GRID1: variants seen among roughly 807,000 people sequenced by gnomAD.
GRID1 encodes the protein glutamate ionotropic receptor delta type subunit 1, also known as glutamate receptor ionotropic, delta-1.
In GRID1, 28 loss-of-function variants were observed where a neutral mutation model predicts 98.0. The observed-to-expected ratio is 0.29, with a 90% CI of 0.21 to 0.39. The LOEUF is 0.39. GRID1 is among the 10% of genes least tolerant of loss of function. The pLI, the probability that GRID1 is intolerant of heterozygous loss-of-function variation, is 1.00. For missense variants in GRID1, 1,111 were observed against 1,340.5 expected, an observed-to-expected ratio of 0.83 and a Z score of 2.67; for synonymous variants, 553 against 538.5, an observed-to-expected ratio of 1.03 and a Z score of -0.37.
intron 12 of GRID1, among the ~76,000 whole-genome samples, chr10:85,672,108 T>C (rs552455837): frequency 6.6e-6 from 1 of 152,346 alleles, no homozygotes; most frequent in East Asian, 1.9e-4. Flanking sequence ...GCTAAGATCA[T>C]TGATATAAGT....
intron 4 of GRID1, among the ~76,000 whole-genome samples, chr10:85,978,937 G>A (rs967516549): frequency 1.3e-5 from 2 of 152,156 alleles, no homozygotes; most frequent in African/African-American, 4.8e-5. Flanking sequence ...GAAAGCATAA[G>A]TGTCTTGCCC....
chr10:85,789,426 T>C lies in GRID1; in HGVS notation c.1234-59812A>G, dbSNP rs150847594. ...CTATCCAGGAGAATCATGGATAATATAGAGGTGTCTCTCTCCCTGGGTCTC... is the reference window on the plus strand; with the variant it reads ...CTATCCAGGAGAATCATGGATAATACAGAGGTGTCTCTCTCCCTGGGTCTC... On this transcript the variant is annotated intron_variant, in intron 8 of 15. Transcript: ENST00000327946. 1.1e-4 allele frequency among the ~76,000 whole-genome samples: 17 copies of C among 152,236 alleles called. No individual in the cohort carries two copies. The East Asian group carries it at 2.7e-3, about 24-fold the overall frequency.
chr10:86,297,533 A>C (rs1349677451), intron 2 of GRID1, among the ~76,000 whole-genome samples: 2 of 152,126 alleles, frequency 1.3e-5, no homozygotes, highest in African/African-American at 4.8e-5. Flanking sequence ...TAGAAGGAAA[A>C]ATTTATCTAT....
chr10:85,770,669 G>A (rs1020328109), intron 8 of GRID1, among the ~76,000 whole-genome samples: 1 of 152,190 alleles, frequency 6.6e-6, no homozygotes, highest in Non-Finnish European at 1.5e-5. Flanking sequence ...CGAGAACTAC[G>A]TGAAGAATGC....
intron 4 of GRID1, among the ~76,000 whole-genome samples, chr10:85,982,160 G>C (rs1842551804): frequency 6.7e-6 from 1 of 150,216 alleles, no homozygotes; most frequent in African/African-American, 2.5e-5. Context: ...CATTTAGTGA[G>C]GGCCTTGAAA....
At chr10:85,976,705 C>A (rs1414103021) in intron 4 of GRID1, among the ~76,000 whole-genome samples, 1 of 152,224 alleles carries the variant, frequency 6.6e-6, no homozygotes, top group African/African-American at 2.4e-5. Context: ...CCTGCAGCAA[C>A]CTGAGGAGAA....
chr10:85,826,019 T>A (rs970296329), intron 8 of GRID1, among the ~76,000 whole-genome samples: 1 of 152,148 alleles, frequency 6.6e-6, no homozygotes, highest in Non-Finnish European at 1.5e-5. Flanking sequence ...CTATATTGAC[T>A]GTAAGTAGAT....
chr10:86,174,059 C>A (rs1845535709), intron 3 of GRID1, among the ~76,000 whole-genome samples: 1 of 152,144 alleles, frequency 6.6e-6, no homozygotes, highest in African/African-American at 2.4e-5. Flanking sequence ...GTCTTTATAG[C>A]AGCATGACTT....
At chr10:85,813,437 C>A (rs1340884912) in intron 8 of GRID1, among the ~76,000 whole-genome samples, 1 of 145,980 alleles carries the variant, frequency 6.9e-6, no homozygotes, top group Admixed American at 6.9e-5. Context: ...TAAAGTGGAA[C>A]AACATCTTTA....
intron 12 of GRID1, among the ~76,000 whole-genome samples, chr10:85,673,218 C>G (rs971222510): frequency 6.6e-6 from 1 of 152,174 alleles, no homozygotes; most frequent in Non-Finnish European, 1.5e-5. Flanking sequence ...AATGGGTGAA[C>G]ATTTGTTTCT....
chr10:85,981,577 C>A (rs1180248302), intron 4 of GRID1, among the ~76,000 whole-genome samples: 1 of 152,196 alleles, frequency 6.6e-6, no homozygotes, highest in African/African-American at 2.4e-5. Flanking sequence ...GGCTCTCTGG[C>A]AGGCTGATGT....
chr10:86,140,153 T>G (rs1240396239), intron 3 of GRID1, among the ~76,000 whole-genome samples: 2 of 152,164 alleles, frequency 1.3e-5, no homozygotes, highest in Non-Finnish European at 2.9e-5. Context: ...ACAGGCCATT[T>G]TTTCACAGCC....
intron 8 of GRID1, among the ~76,000 whole-genome samples, chr10:85,824,912 C>CTA (rs969324993): frequency 2.0e-5 from 3 of 152,126 alleles, no homozygotes; most frequent in African/African-American, 7.2e-5. Context: ...GTATGCCACA[C>CTA]TATATATATA....
intron 4 of GRID1, among the ~76,000 whole-genome samples, chr10:85,973,550 A>T (rs11595438): frequency 6.6e-6 from 1 of 152,040 alleles, no homozygotes; most frequent in East Asian, 1.9e-4. Context: ...GATTTAATTA[A>T]CATGGGCTTC....
chr10:85,974,746 C>T (rs34577074), intron 4 of GRID1, among the ~76,000 whole-genome samples: 30 of 152,214 alleles, frequency 2.0e-4, no homozygotes, highest in Non-Finnish European at 2.6e-4. Context: ...CTACCTAATG[C>T]TTCCCAAGTA....
chr10:85,688,700 G>T (rs1167614069), intron 12 of GRID1, among the ~76,000 whole-genome samples: 1 of 152,194 alleles, frequency 6.6e-6, no homozygotes, highest in African/African-American at 2.4e-5. Flanking sequence ...TGAATGAGTG[G>T]CCAGGTGGAT....
At chr10:86,216,421 T>C (rs750719370) in intron 2 of GRID1, among the ~76,000 whole-genome samples, 1 of 152,210 alleles carries the variant, frequency 6.6e-6, no homozygotes, top group Non-Finnish European at 1.5e-5. Flanking sequence ...ATCAATGGGA[T>C]GGAACTTATG....
intron 2 of GRID1, among the ~76,000 whole-genome samples, chr10:86,276,485 A>G (rs1589434740): frequency 6.6e-6 from 1 of 150,872 alleles, no homozygotes; most frequent in Non-Finnish European, 1.5e-5. Flanking sequence ...ACAATTCAAC[A>G]CTTGATACTC....
chr10:86,280,620 C>A (rs1287535146), intron 2 of GRID1, among the ~76,000 whole-genome samples: 2 of 152,264 alleles, frequency 1.3e-5, no homozygotes, highest in East Asian at 3.9e-4. Flanking sequence ...TTTACAAAAG[C>A]TTTCATCATG....
Sources: allele counts gnomAD v4.1 joint callset (sites outside exome capture counted in the v4.1 genomes callset), GRCh38; gene constraint gnomAD v4.1.1; transcripts MANE v1.5; gene names NCBI Gene and HGNC (gene_info 2026-07-23, HGNC 2026-07-21).